Variants in PALM2AKAP2 observed in about 807,000 individuals in gnomAD.
PALM2AKAP2 encodes the protein PALM2 and AKAP2 fusion.
PALM2AKAP2 carries 37 observed loss-of-function variants against 71.5 expected under a neutral mutation model. That is an observed-to-expected ratio of 0.52 (90% confidence interval 0.40 to 0.68). The LOEUF is 0.68. Ranked by LOEUF, PALM2AKAP2 falls within the 30% of genes least tolerant of loss-of-function variation. The probability of loss-of-function intolerance (pLI) is 0.00; values close to 1 mark genes in which losing one functional copy is unlikely to be tolerated. For synonymous variants in PALM2AKAP2, 468 were observed against 478.8 expected (o/e 0.98, Z 0.29); for missense variants, 1,224 against 1,191.8 (o/e 1.03, Z -0.40).
chr9:110,059,224 T>C (rs1265916719), intron 1 of PALM2AKAP2, among the ~76,000 whole-genome samples: 1 of 152,176 alleles, frequency 6.6e-6, no homozygotes, highest in Non-Finnish European at 1.5e-5. Context: ...TGAAGTGAAA[T>C]TATATCCAAT....
At chr9:110,142,949 T>G (rs986866268) in intron 2 of PALM2AKAP2, among the ~76,000 whole-genome samples, 1 of 152,258 alleles carries the variant, frequency 6.6e-6, no homozygotes, top group African/African-American at 2.4e-5. Flanking sequence ...GTTGATGGAC[T>G]AAATGTCTTC....
rs398011831 is a variant in PALM2AKAP2, at chr9:109,922,421, CAAAAAAAAAAAAAAAAAAAAAAAAAAA to C, written c.258-1304_258-1278del. Among the ~76,000 whole-genome samples the C allele has an allele frequency of 2.4e-3, 46 of 19,242 alleles. 1 individual carries two copies. The highest frequency in any genetic ancestry group is 8.8e-3 in the African/African-American group (43 of 4,862). The allele number at this position is 19,242 out of a possible 152,430, so 12.6% of individuals were successfully genotyped here. A position where few individuals can be genotyped will look rare whatever the true frequency, so the allele number is the denominator to read the frequency against. On this transcript the variant is annotated intron_variant, in intron 3 of 9. Transcript: ENST00000302798. ...TGGGTGACAGAGTGAGACTCTATCT[CAAAAAAAAAAAAAAAAAAAAAAAAAAA>C]AAAAAAAAAGATGGAAAAGGAGGAA... is the stretch of plus-strand genomic sequence containing the variant.
intron 1 of PALM2AKAP2, among the ~76,000 whole-genome samples, chr9:110,085,558 T>C (rs1009880255): frequency 1.3e-5 from 2 of 152,186 alleles, no homozygotes; most frequent in African/African-American, 4.8e-5. Flanking sequence ...AACTAAGTAA[T>C]TGAGGAATAT....
At chr9:109,848,238 A>G (rs192766362) in intron 1 of PALM2AKAP2, among the ~76,000 whole-genome samples, 1 of 152,266 alleles carries the variant, frequency 6.6e-6, no homozygotes, top group East Asian at 1.9e-4. Flanking sequence ...CCTTTCACAG[A>G]TGTGCACACT....
At chr9:109,729,991 C>T (rs1224550137) in intron 1 of PALM2AKAP2, among the ~76,000 whole-genome samples, 3 of 152,172 alleles carry the variant, frequency 2.0e-5, no homozygotes, top group South Asian at 2.1e-4. Flanking sequence ...ATACAACAAG[C>T]GTGTACTAAT....
intron 1 of PALM2AKAP2, among the ~76,000 whole-genome samples, chr9:109,641,869 A>G (rs1029396594): frequency 3.9e-5 from 6 of 152,198 alleles, no homozygotes; most frequent in African/African-American, 1.4e-4. Flanking sequence ...CCCTCTGCGT[A>G]TCTGATTGTG....
intron 1 of PALM2AKAP2, among the ~76,000 whole-genome samples, chr9:109,753,550 A>C (rs747845036): frequency 1.9e-4 from 29 of 152,272 alleles, no homozygotes; most frequent in Non-Finnish European, 3.4e-4. Context: ...TTTGCAGTTG[A>C]TGATCTGCAT....
intron 3 of PALM2AKAP2, among the ~76,000 whole-genome samples, chr9:109,896,126 A>G (rs1191741048): frequency 6.6e-6 from 1 of 151,794 alleles, no homozygotes; most frequent in African/African-American, 2.4e-5. Context: ...CGGAAGTTGC[A>G]GTGAGCCGAG....
intron 1 of PALM2AKAP2, among the ~76,000 whole-genome samples, chr9:109,685,987 A>C (rs1040075578): frequency 6.6e-6 from 1 of 152,232 alleles, no homozygotes; most frequent in Non-Finnish European, 1.5e-5. Context: ...CATCTTCACC[A>C]GGAGTAGATT....
chr9:109,706,916 G>C (rs1828153778), intron 1 of PALM2AKAP2, among the ~76,000 whole-genome samples: 1 of 152,160 alleles, frequency 6.6e-6, no homozygotes, highest in Non-Finnish European at 1.5e-5. Flanking sequence ...GCTGGGGTGG[G>C]AAGTGACTAC....
intron 2 of PALM2AKAP2, among the ~76,000 whole-genome samples, chr9:110,144,491 A>G (rs1836113575): frequency 6.6e-6 from 1 of 152,338 alleles, no homozygotes; most frequent in South Asian, 2.1e-4. Context: ...AATCCTCCCA[A>G]CAGCCCTCTA....
intron 6 of PALM2AKAP2, among the ~76,000 whole-genome samples, chr9:109,979,139 C>T (rs562921262): frequency 1.8e-4 from 27 of 152,228 alleles, no homozygotes; most frequent in African/African-American, 4.1e-4. Context: ...ACTACAGGCA[C>T]GCACCACCAT....
At chr9:110,165,646 A>G (rs2119277606) in intron 3 of PALM2AKAP2, among the ~76,000 whole-genome samples, 1 of 152,316 alleles carries the variant, frequency 6.6e-6, no homozygotes, top group East Asian at 1.9e-4. Context: ...GTATAAGTGA[A>G]TTACTGGGGC....
chr9:110,066,464 AG>A (rs1380643939), intron 1 of PALM2AKAP2, among the ~76,000 whole-genome samples: 4 of 152,202 alleles, frequency 2.6e-5, no homozygotes, highest in African/African-American at 9.7e-5. Context: ...TGGGAGGCTA[AG>A]GCAGGAGGAT....
intron 7 of PALM2AKAP2, among the ~76,000 whole-genome samples, chr9:110,034,315 C>T (rs1050631020): frequency 3.9e-5 from 6 of 152,106 alleles, no homozygotes; most frequent in South Asian, 4.1e-4. Flanking sequence ...TGTGCCACCA[C>T]GCCCGGCTAA....
chr9:110,032,127 G>A (rs1008109399), intron 7 of PALM2AKAP2, among the ~76,000 whole-genome samples: 19 of 150,776 alleles, frequency 1.3e-4, no homozygotes, highest in Admixed American at 1.3e-4. Context: ...CAGGTGTCCT[G>A]CAATATTAGT....
chr9:110,030,011 G>A (rs895768913), intron 7 of PALM2AKAP2, among the ~76,000 whole-genome samples: 2 of 152,242 alleles, frequency 1.3e-5, no homozygotes, highest in Admixed American at 6.5e-5. Flanking sequence ...CATAGAGTAG[G>A]GGCCAAGGGA....
At chr9:110,054,902 T>A (rs7028076) in intron 1 of PALM2AKAP2, among the ~76,000 whole-genome samples, 28,766 of 152,156 alleles carry the variant, frequency 0.19, 3,576 homozygotes, top group East Asian at 0.38. Context: ...TGGCCTAAAG[T>A]TAACACTTAA....
chr9:110,023,301 G>GTTTTTTTTTTT (rs1292412365), intron 7 of PALM2AKAP2, among the ~76,000 whole-genome samples: 1 of 101,414 alleles, frequency 9.9e-6, no homozygotes, highest in Non-Finnish European at 1.9e-5. Context: ...TCTCATTGTG[G>GTTTTTTTTTTT]TTTCTTTTTT....
Sources: allele counts gnomAD v4.1 joint callset (sites outside exome capture counted in the v4.1 genomes callset), GRCh38; gene constraint gnomAD v4.1.1; transcripts MANE v1.5; gene names NCBI Gene and HGNC (gene_info 2026-07-23, HGNC 2026-07-21).